The following ST6GALNAC5 variants were observed in gnomAD, a reference collection of about 807,000 sequenced individuals.
The protein encoded by ST6GALNAC5 is alpha-N-acetylgalactosaminide alpha-2,6-sialyltransferase 5.
ST6GALNAC5 carries 27 observed loss-of-function variants against 33.6 expected under a neutral mutation model. The observed-to-expected ratio is 0.80, with a 90% CI of 0.59 to 1.11. ST6GALNAC5 has a LOEUF of 1.11. Among genes scored for constraint, ST6GALNAC5 ranks in the 50% least tolerant of loss-of-function variants. The pLI is 0.00. For missense variants in ST6GALNAC5, 428 were observed against 454.0 expected, an observed-to-expected ratio of 0.94 and a Z score of 0.52; for synonymous variants, 194 against 171.2, an observed-to-expected ratio of 1.13 and a Z score of -1.04.
At chr1:76,957,249 T>C (rs1256653168) in intron 2 of ST6GALNAC5, among the ~76,000 whole-genome samples, 1 of 152,162 alleles carries the variant, frequency 6.6e-6, no homozygotes, top group African/African-American at 2.4e-5. Flanking sequence ...GATCCTTTCC[T>C]TTTCCTACCT....
intron 4 of ST6GALNAC5, chr1:77,060,062 C>T (rs1174669527): frequency 3.9e-5 from 6 of 152,108 alleles, no homozygotes; most frequent in Non-Finnish European, 7.3e-5. Flanking sequence ...CCCAACCGCA[C>T]TAAATGTTAG....
intron 2 of ST6GALNAC5, among the ~76,000 whole-genome samples, chr1:76,922,500 C>T (rs1036375971): frequency 6.6e-6 from 1 of 151,956 alleles, no homozygotes; most frequent in Admixed American, 6.6e-5. Context: ...GGAGCTTATT[C>T]TAAAATGTAT....
chr1:77,016,137 TC>T, intron 2 of ST6GALNAC5, among the ~76,000 whole-genome samples: 1 of 99,664 alleles, frequency 1.0e-5, no homozygotes, highest in Non-Finnish European at 2.0e-5. Flanking sequence ...CTGTATCTCC[TC>T]CCTCCCCTCC....
At chr1:76,991,733 A>C (rs1209639760) in intron 2 of ST6GALNAC5, among the ~76,000 whole-genome samples, 1 of 152,088 alleles carries the variant, frequency 6.6e-6, no homozygotes, top group African/African-American at 2.4e-5. Flanking sequence ...CATAGCTGCC[A>C]ACTGGACATT....
chr1:77,059,008 T>C (rs1446151172), intron 4 of ST6GALNAC5, among the ~76,000 whole-genome samples: 1 of 152,258 alleles, frequency 6.6e-6, no homozygotes, highest in Non-Finnish European at 1.5e-5. Flanking sequence ...CAAGGAGCTT[T>C]CCACCATTTG....
At chr1:77,019,416 T>C (rs1650972650) in intron 2 of ST6GALNAC5, among the ~76,000 whole-genome samples, 1 of 152,242 alleles carries the variant, frequency 6.6e-6, no homozygotes, top group Non-Finnish European at 1.5e-5. Context: ...CTCATCATAT[T>C]GTGGTGTGAG....
intron 2 of ST6GALNAC5, among the ~76,000 whole-genome samples, chr1:76,888,047 G>A (rs1399587042): frequency 1.3e-5 from 2 of 152,152 alleles, no homozygotes; most frequent in African/African-American, 2.4e-5. Flanking sequence ...TTAGGGCAAG[G>A]AAATGTGGAG....
chr1:77,048,518 T>C (rs11162255), intron 3 of ST6GALNAC5, among the ~76,000 whole-genome samples: 21,053 of 152,188 alleles, frequency 0.14, 1,879 homozygotes, highest in South Asian at 0.34. Flanking sequence ...GCTCCTTCAG[T>C]CTCAAAGGTC....
chr1:76,867,693 G>T lies in ST6GALNAC5; in HGVS notation c.15+3G>T. Reference sequence around the variant, plus strand: ...TGCCCAAAATGAAGACCCTGATGGTGAGTCAGTTGTGGCAACTCCACCGGG... The same window carrying T: ...TGCCCAAAATGAAGACCCTGATGGTTAGTCAGTTGTGGCAACTCCACCGGG... On this transcript the variant is annotated splice_donor_region_variant and intron_variant, in intron 1 of 4. Coordinates refer to ENST00000477717, the MANE Select transcript of ST6GALNAC5 (RefSeq NM_030965.3). 3 of 1,614,106 alleles carry T rather than the reference G, an allele frequency of 1.9e-6. No individual in the cohort carries two copies. The highest frequency in any genetic ancestry group is 2.5e-6 in the Non-Finnish European group (3 of 1,179,976).
intron 2 of ST6GALNAC5, among the ~76,000 whole-genome samples, chr1:76,938,494 C>G (rs776102289): frequency 6.6e-5 from 10 of 152,178 alleles, no homozygotes; most frequent in Non-Finnish European, 1.3e-4. Flanking sequence ...GAACAACTCT[C>G]CAGAGAGCTT....
intron 2 of ST6GALNAC5, among the ~76,000 whole-genome samples, chr1:76,950,736 C>T (rs895565313): frequency 1.3e-5 from 2 of 151,960 alleles, no homozygotes; most frequent in Non-Finnish European, 2.9e-5. Context: ...GGTAACTGAA[C>T]TGAATCTCCA....
chr1:77,052,896 C>T (rs1570141804), intron 4 of ST6GALNAC5, among the ~76,000 whole-genome samples: 1 of 123,304 alleles, frequency 8.1e-6, no homozygotes, highest in South Asian at 2.8e-4. Context: ...CCAGCCGGGG[C>T]GACAAAGTGA....
intron 2 of ST6GALNAC5, among the ~76,000 whole-genome samples, chr1:76,877,082 A>G (rs1653658902): frequency 6.6e-6 from 1 of 152,216 alleles, no homozygotes; most frequent in African/African-American, 2.4e-5. Flanking sequence ...TCAGTTCATG[A>G]TAGGCAATTC....
rs543693092 is a variant in ST6GALNAC5, at chr1:76,988,071, AT to A, written c.262-56124del. Among the ~76,000 whole-genome samples the A allele has an allele frequency of 1.4e-4, 22 of 151,884 alleles. No homozygotes were observed. In the South Asian group the frequency reaches 3.5e-3, roughly 24 times the overall value. Reference sequence around the variant, plus strand: ...CTTGGAAGCCTTTTTCATTAAAAAAATTTTTTTTTCTTTGTCTTTGACAGAT... The same window carrying A: ...CTTGGAAGCCTTTTTCATTAAAAAAATTTTTTTTCTTTGTCTTTGACAGAT... On this transcript the variant is annotated intron_variant, in intron 2 of 4. Transcript: ENST00000477717.
chr1:76,991,447 T>A (rs4949762), intron 2 of ST6GALNAC5, among the ~76,000 whole-genome samples: 88,686 of 152,014 alleles, frequency 0.58, 26,541 homozygotes, highest in East Asian at 0.73. Context: ...ATATGCACAC[T>A]CTGAGCATTT....
chr1:77,053,463 G>A (rs555688886), intron 4 of ST6GALNAC5, among the ~76,000 whole-genome samples: 27 of 152,152 alleles, frequency 1.8e-4, no homozygotes, highest in Non-Finnish European at 3.5e-4. Context: ...TCAAGGGAAT[G>A]AATGGCTGTG....
At chr1:77,039,088 C>G (rs1056568898) in intron 2 of ST6GALNAC5, among the ~76,000 whole-genome samples, 8 of 152,158 alleles carry the variant, frequency 5.3e-5, no homozygotes, top group African/African-American at 1.9e-4. Context: ...GTGTGTGTAT[C>G]TGCACACTCC....
chr1:76,984,648 CT>C (rs1649406144), intron 2 of ST6GALNAC5, among the ~76,000 whole-genome samples: 1 of 152,160 alleles, frequency 6.6e-6, no homozygotes. Context: ...AGAGGGAATC[CT>C]CCCTAACTCA....
At chr1:76,913,396 C>T (rs1260412207) in intron 2 of ST6GALNAC5, among the ~76,000 whole-genome samples, 1 of 151,248 alleles carries the variant, frequency 6.6e-6, no homozygotes, top group Non-Finnish European at 1.5e-5. Context: ...TATTATGTGT[C>T]TTGGAGTTGC....
Sources: allele counts gnomAD v4.1 joint callset (sites outside exome capture counted in the v4.1 genomes callset), GRCh38; gene constraint gnomAD v4.1.1; transcripts MANE v1.5; gene names NCBI Gene and HGNC (gene_info 2026-07-23, HGNC 2026-07-21).